SMIM14: variants seen among roughly 807,000 people sequenced by gnomAD.
The protein encoded by SMIM14 is small integral membrane protein 14, also known as chromosome 4 open reading frame 34.
A neutral mutation model predicts 12.6 loss-of-function variants in SMIM14; 5 were observed. The observed-to-expected ratio is 0.40, with a 90% CI of 0.21 to 0.83. The LOEUF (loss-of-function observed/expected upper bound fraction) is 0.83. Among genes scored for constraint, SMIM14 ranks in the 40% least tolerant of loss-of-function variants. SMIM14 has a pLI of 0.37. For missense variants in SMIM14, 86 were observed against 119.1 expected, an observed-to-expected ratio of 0.72 and a Z score of 1.29; for synonymous variants, 30 against 40.1, an observed-to-expected ratio of 0.75 and a Z score of 0.95.
chr4:39,603,102 C>A (rs992268281), intron 2 of SMIM14, among the ~76,000 whole-genome samples: 2 of 152,022 alleles, frequency 1.3e-5, no homozygotes, highest in Non-Finnish European at 2.9e-5. Flanking sequence ...GGATGTTAAA[C>A]CAGTAAGTAT....
At chr4:39,622,215 C>T (rs535200006) in intron 1 of SMIM14, among the ~76,000 whole-genome samples, 1 of 151,230 alleles carries the variant, frequency 6.6e-6, no homozygotes, top group Non-Finnish European at 1.5e-5. Flanking sequence ...TCCCGAGTAG[C>T]TGGGACTACA....
At chr4:39,594,373 A>C (rs561471307) in intron 2 of SMIM14, 91 of 152,128 alleles carry the variant, frequency 6.0e-4, no homozygotes, top group African/African-American at 2.1e-3. Context: ...AAACTGGATC[A>C]TTTCCTTACA....
intron 2 of SMIM14, among the ~76,000 whole-genome samples, chr4:39,584,503 A>AAAAAAAAAAAAAAAAAAAAAAAC (rs1560293029): frequency 2.2e-5 from 3 of 139,020 alleles, no homozygotes; most frequent in Non-Finnish European, 4.7e-5. Flanking sequence ...AAAAAAAAAA[A>AAAAAAAAAAAAAAAAAAAAAAAC]AAGACAAACA....
At chr4:39,564,915 A>G (rs531452274) in intron 3 of SMIM14, among the ~76,000 whole-genome samples, 3 of 152,302 alleles carry the variant, frequency 2.0e-5, no homozygotes, top group African/African-American at 7.2e-5. Context: ...GAGGTGGGAT[A>G]TAAGAAAAAG....
chr4:39,576,186 T>C (rs1578325076), intron 2 of SMIM14, among the ~76,000 whole-genome samples: 1 of 151,842 alleles, frequency 6.6e-6, no homozygotes, highest in Non-Finnish European at 1.5e-5. Context: ...TGAGTCACCA[T>C]GCTTGGTCTT....
In SMIM14 at chr4:39,588,606, T is replaced by C. The variant is rs899136017; in HGVS notation, c.76-16143A>G. Among the ~76,000 whole-genome samples, 15 of 152,190 alleles carry C rather than the reference T, an allele frequency of 9.9e-5. No homozygotes were observed. In the East Asian group the frequency reaches 2.9e-3, roughly 29 times the overall value. On this transcript the variant is annotated intron_variant, in intron 2 of 4. Coordinates refer to ENST00000295958, the MANE Select transcript of SMIM14 (RefSeq NM_174921.3). ...AATCACACGATTAAAAAAGCTTTCA[T>C]AGCAACATGAAAAATGCAAAATATT...
At chr4:39,565,213 G>C (rs1328938221) in intron 3 of SMIM14, among the ~76,000 whole-genome samples, 2 of 152,180 alleles carry the variant, frequency 1.3e-5, no homozygotes, top group Admixed American at 6.6e-5. Flanking sequence ...GTAAGACTTT[G>C]TCTCCAGAAA....
Position 39,616,638 on chromosome 4 carries a change from A to AT in SMIM14, c.-35-11459dup, listed in dbSNP as rs1451173525. Among the ~76,000 whole-genome samples, 22 of 98,580 alleles carry AT rather than the reference A, an allele frequency of 2.2e-4. No individual in the cohort carries two copies. The East Asian group carries it at 6.4e-3, about 28-fold the overall frequency. The allele number at this position is 98,580 out of a possible 152,430, so 64.7% of individuals were successfully genotyped here. On this transcript the variant is annotated intron_variant, in intron 1 of 4. Transcript: ENST00000295958. ...ATACATCTTCCAATCCATTCCTTACATTTAAAAAAAAAAAAAAAGAAAAGA... is the reference window on the plus strand; with the variant it reads ...ATACATCTTCCAATCCATTCCTTACATTTTAAAAAAAAAAAAAAAGAAAAGA...
chr4:39,548,623 T>C lies in SMIM14; in HGVS notation c.*3503A>G, dbSNP rs1341016047. 6.6e-6 allele frequency: 1 copy of C among 152,146 alleles called. No homozygotes were observed. Among genetic ancestry groups the C allele is most frequent in the Non-Finnish European group, 1.5e-5 (1 of 67,994 alleles). 9.4% of individuals were successfully genotyped at this position (152,146 alleles called of 1,614,324 possible). On this transcript the variant is annotated 3_prime_UTR_variant, in exon 5 of 5. Transcript: ENST00000295958. ...TGTAGCCACACTTCAGATGAATGTT[T>C]ACAAGCCAAATAATGATTTAAGAGT...
At chr4:39,636,067 G>T (rs1431704882) in intron 1 of SMIM14, among the ~76,000 whole-genome samples, 1 of 151,394 alleles carries the variant, frequency 6.6e-6, no homozygotes, top group Non-Finnish European at 1.5e-5. Context: ...CAGCTACTCA[G>T]GAGGCTAAGG....
chr4:39,583,472 T>TA (rs1450657151), intron 2 of SMIM14, among the ~76,000 whole-genome samples: 1 of 152,016 alleles, frequency 6.6e-6, no homozygotes, highest in Non-Finnish European at 1.5e-5. Flanking sequence ...TTTGGAAACA[T>TA]AGTCACAAAA....
At chr4:39,576,660 G>GTGTGCATATATATATATA in intron 2 of SMIM14, among the ~76,000 whole-genome samples, 1 of 72,378 alleles carries the variant, frequency 1.4e-5, no homozygotes, top group East Asian at 4.6e-4. Flanking sequence ...GTGTGTATGT[G>GTGTGCATATATATATATA]TATATATATA....
Position 39,551,425 on chromosome 4 carries a change from T to C in SMIM14, c.*701A>G, listed in dbSNP as rs1578303222. The stretch of plus-strand genomic sequence containing the variant: ...AATGGACTGTAAATCATCTGCCATA[T>C]TGATCAATCATGTTTATTTAAGGTT... On this transcript the variant is annotated 3_prime_UTR_variant, in exon 5 of 5. Coordinates refer to ENST00000295958, the MANE Select transcript of SMIM14 (RefSeq NM_174921.3). 1 of 152,792 alleles carries C rather than the reference T, an allele frequency of 6.5e-6. No homozygotes were observed. Among genetic ancestry groups the C allele is most frequent in the East Asian group, 1.9e-4 (1 of 5,190 alleles). The allele number at this position is 152,792 out of a possible 1,614,324, so 9.5% of individuals were successfully genotyped here.
chr4:39,564,178 G>C (rs1291840703), intron 3 of SMIM14, among the ~76,000 whole-genome samples: 2 of 152,182 alleles, frequency 1.3e-5, no homozygotes, highest in African/African-American at 4.8e-5. Flanking sequence ...AACTTATATA[G>C]GTTTCCGCTG....
intron 2 of SMIM14, among the ~76,000 whole-genome samples, chr4:39,588,556 T>G (rs1345903628): frequency 6.6e-6 from 1 of 152,148 alleles, no homozygotes; most frequent in Non-Finnish European, 1.5e-5. Context: ...AATTTCCTTA[T>G]TGACTAAAAT....
intron 2 of SMIM14, among the ~76,000 whole-genome samples, chr4:39,601,717 C>A (rs547493708): frequency 6.6e-6 from 1 of 151,828 alleles, no homozygotes; most frequent in Non-Finnish European, 1.5e-5. Context: ...GAGGCTAAGG[C>A]GGGAGGATCA....
chr4:39,587,662 T>G (rs998719449), intron 2 of SMIM14, among the ~76,000 whole-genome samples: 1 of 152,008 alleles, frequency 6.6e-6, no homozygotes, highest in African/African-American at 2.4e-5. Context: ...TCCTAACACT[T>G]TGGGAGGTCA....
At chr4:39,600,474 G>A (rs1260070705) in intron 2 of SMIM14, among the ~76,000 whole-genome samples, 1 of 152,096 alleles carries the variant, frequency 6.6e-6, no homozygotes, top group Non-Finnish European at 1.5e-5. Context: ...TGGATCACCT[G>A]ATGTCAGGAG....
At chr4:39,625,959 T>C (rs1715681078) in intron 1 of SMIM14, among the ~76,000 whole-genome samples, 1 of 152,166 alleles carries the variant, frequency 6.6e-6, no homozygotes, top group South Asian at 2.1e-4. Flanking sequence ...CTCCAGGCCA[T>C]GGACTGGTAC....
Sources: gnomAD v4.1 joint callset for allele counts (sites outside exome capture counted in the v4.1 genomes callset) on GRCh38, gnomAD v4.1.1 for gene constraint, MANE v1.5 for transcripts, NCBI Gene and HGNC (gene_info 2026-07-23, HGNC 2026-07-21) for gene names.